The following ASPA variants were observed in gnomAD, a reference collection of about 807,000 sequenced individuals.
ASPA encodes the protein aspartoacylase, also known as ACY-2.
In ASPA, 25 loss-of-function variants were observed where a neutral mutation model predicts 29.6. The observed-to-expected ratio is 0.85, with a 90% CI of 0.62 to 1.18. The LOEUF (loss-of-function observed/expected upper bound fraction) is 1.18, where lower values mean the gene tolerates loss of function less well. Ranked by LOEUF, ASPA falls within the 50% of genes most tolerant of loss-of-function variation. The pLI, the probability that ASPA is intolerant of heterozygous loss-of-function variation, is 0.00. For missense variants in ASPA, 333 were observed against 385.7 expected, an observed-to-expected ratio of 0.86 and a Z score of 1.14; for synonymous variants, 131 against 130.3, an observed-to-expected ratio of 1.01 and a Z score of -0.04.
chr17:3,479,451 TAAAC>T (rs1388490683), intron 1 of ASPA, among the ~76,000 whole-genome samples: 2 of 152,338 alleles, frequency 1.3e-5, no homozygotes, highest in African/African-American at 2.4e-5. Flanking sequence ...AATAGTGGTT[TAAAC>T]AAATAAGGGT....
Position 3,499,174 on chromosome 17 carries a change from C to T in ASPA, c.*86C>T. ...CTTAAGAGTAGGGTTGTGCCTTATTCAACTGCATACATAGCTCCTAGCACA... is the reference window on the plus strand; with the variant it reads ...CTTAAGAGTAGGGTTGTGCCTTATTTAACTGCATACATAGCTCCTAGCACA... On this transcript the variant is annotated 3_prime_UTR_variant, in exon 6 of 6. Transcript: ENST00000263080. The T allele has an allele frequency of 7.1e-7, 1 of 1,406,706 alleles. No individual in the cohort carries two copies. Among genetic ancestry groups the T allele is most frequent in the Non-Finnish European group, 9.8e-7 (1 of 1,016,940 alleles). The allele number at this position is 1,406,706 out of a possible 1,614,324, so 87.1% of individuals were successfully genotyped here. A position where few individuals can be genotyped will look rare whatever the true frequency, so the allele number is the denominator to read the frequency against.
chr17:3,482,976 G>C (rs2073659339), intron 2 of ASPA, among the ~76,000 whole-genome samples: 1 of 126,344 alleles, frequency 7.9e-6, no homozygotes, highest in Non-Finnish European at 1.6e-5. Context: ...CTATTGAAGA[G>C]AGAGCGGAAT....
At chr17:3,478,463 G>A (rs2073569851) in intron 1 of ASPA, among the ~76,000 whole-genome samples, 1 of 152,144 alleles carries the variant, frequency 6.6e-6, no homozygotes, top group Non-Finnish European at 1.5e-5. Flanking sequence ...TCATGACTGA[G>A]GTTATGTCAA....
At position 3,481,302 on chromosome 17, in the gene ASPA, GT is replaced by G. The variant is rs2073623119; in HGVS notation, c.237-299del. 2.0e-5 allele frequency among the ~76,000 whole-genome samples: 3 copies of G among 152,226 alleles called. No individual in the cohort carries two copies. The South Asian group carries it at 6.2e-4, about 32-fold the overall frequency. On this transcript the variant is annotated intron_variant, in intron 1 of 5. Transcript: ENST00000263080. The stretch of plus-strand genomic sequence containing the variant: ...AACTGTTCATTAAATTAATGGATAT[GT>G]TGCGTTCAAGATTGAAATCAAATGA...
intron 1 of ASPA, among the ~76,000 whole-genome samples, chr17:3,477,997 A>G (rs907623755): frequency 6.6e-6 from 1 of 151,642 alleles, no homozygotes; most frequent in Non-Finnish European, 1.5e-5. Context: ...CCTGGCTAAC[A>G]CGGTAAAACC....
chr17:3,474,547 C>T (rs1283644478), upstream of ASPA, among the ~76,000 whole-genome samples: 1 of 152,164 alleles, frequency 6.6e-6, no homozygotes, highest in Non-Finnish European at 1.5e-5. Context: ...GTTCAGTGTA[C>T]ATGGATGTGG....
chr17:3,477,868 T>A (rs1010359439), intron 1 of ASPA, among the ~76,000 whole-genome samples: 2 of 151,564 alleles, frequency 1.3e-5, no homozygotes, highest in Non-Finnish European at 2.9e-5. Context: ...CCTCAAGGAG[T>A]TGGTAGACTA....
chr17:3,490,536 C>CAT lies in ASPA; in HGVS notation c.634+1194_634+1195insAT. ...GGGAGTGAATTCCTCAACCTCAGAT[C>CAT]GTGCGCACCCCACTGCAATCACAGA... is the stretch of plus-strand genomic sequence containing the variant. On this transcript the variant is annotated intron_variant, in intron 4 of 5. Transcript: ENST00000263080. The surrounding 1 kb of genome is among the most constrained non-coding windows in gnomAD (Gnocchi z 4.6). Among the ~76,000 whole-genome samples the CAT allele has an allele frequency of 7.1e-6, 1 of 140,946 alleles. No individual in the cohort carries two copies. The highest frequency in any genetic ancestry group is 1.6e-5 in the Non-Finnish European group (1 of 61,786). The allele number at this position is 140,946 out of a possible 152,430, so 92.5% of individuals were successfully genotyped here.
upstream of ASPA, chr17:3,475,989 C>T (rs148112982): frequency 1.1e-4 from 70 of 642,214 alleles, no homozygotes; most frequent in East Asian, 1.4e-3. Context: ...TGTCCATAAA[C>T]GGGGCTCAGA....
At chr17:3,474,562 ACAGT>A (rs1309138287), upstream of ASPA, among the ~76,000 whole-genome samples, 5 of 152,326 alleles carry the variant, frequency 3.3e-5, no homozygotes, top group African/African-American at 1.2e-4. Flanking sequence ...ATGTGGACAG[ACAGT>A]CAAAGCCTAC....
intron 2 of ASPA, among the ~76,000 whole-genome samples, chr17:3,482,949 C>T (rs1297759710): frequency 1.7e-5 from 2 of 116,054 alleles, no homozygotes; most frequent in Admixed American, 1.0e-4. Context: ...CCTCCCCCCA[C>T]CCCAATTCTT....
upstream of ASPA, among the ~76,000 whole-genome samples, chr17:3,474,667 T>G (rs559244491): frequency 4.1e-4 from 62 of 152,362 alleles, no homozygotes; most frequent in African/African-American, 1.5e-3. Context: ...TATAAGCTCT[T>G]AAAGGAAGAA....
chr17:3,480,956 CA>C (rs2073617128), intron 1 of ASPA, among the ~76,000 whole-genome samples: 1 of 151,738 alleles, frequency 6.6e-6, no homozygotes, highest in African/African-American at 2.4e-5. Flanking sequence ...TGTATCTCCA[CA>C]AAAGATAAGA....
At chr17:3,495,474 C>T (rs910101006) in intron 5 of ASPA, among the ~76,000 whole-genome samples, 8 of 152,320 alleles carry the variant, frequency 5.3e-5, no homozygotes, top group South Asian at 4.1e-4. Flanking sequence ...GTAATACAGA[C>T]GAGTGAAGCA....
At chr17:3,495,978 G>T (rs1014467754) in intron 5 of ASPA, among the ~76,000 whole-genome samples, 5 of 152,198 alleles carry the variant, frequency 3.3e-5, no homozygotes, top group Admixed American at 2.6e-4. Flanking sequence ...ATGATATCAT[G>T]GCAGGCTAAA....
intron 5 of ASPA, among the ~76,000 whole-genome samples, 163 bp from the exon 6 acceptor site, chr17:3,498,728 A>G (rs1003720188): frequency 1.3e-5 from 2 of 152,202 alleles, no homozygotes; most frequent in African/African-American, 2.4e-5. Context: ...TCACGACCCA[A>G]TGTCAGCGCA....
chr17:3,487,143 G>T (rs2073738935), intron 3 of ASPA, among the ~76,000 whole-genome samples: 1 of 152,060 alleles, frequency 6.6e-6, no homozygotes, highest in South Asian at 2.1e-4. Context: ...TGCCTAGAAT[G>T]ATCCTGTCAC....
intron 4 of ASPA, 61 bp downstream of exon 4, chr17:3,489,403 G>A (rs762720755): frequency 3.8e-4 from 526 of 1,370,862 alleles, no homozygotes; most frequent in Non-Finnish European, 5.1e-4. Flanking sequence ...ATAACAATTG[G>A]AACCTGGGTC....
At chr17:3,493,764 C>G (rs528982151) in intron 4 of ASPA, among the ~76,000 whole-genome samples, 1 of 152,100 alleles carries the variant, frequency 6.6e-6, no homozygotes, top group East Asian at 1.9e-4. Context: ...GGCCGCATAG[C>G]CAGGGGATTA....
Sources: allele counts gnomAD v4.1 joint callset (sites outside exome capture counted in the v4.1 genomes callset), GRCh38; gene constraint gnomAD v4.1.1; non-coding constraint Gnocchi (gnomAD v3.1); transcripts MANE v1.5; gene names NCBI Gene and HGNC (gene_info 2026-07-23, HGNC 2026-07-21).